The following VCAN variants were observed in gnomAD, a reference collection of about 807,000 sequenced individuals.
VCAN encodes the protein versican core protein.
In VCAN, 44 loss-of-function variants were observed where a neutral mutation model predicts 245.5. The observed-to-expected ratio is 0.18, with a 90% CI of 0.14 to 0.23. The LOEUF is 0.23. Ranked by LOEUF, VCAN falls within the 10% of genes least tolerant of loss-of-function variation. The pLI is 1.00. For missense variants in VCAN, 3,793 were observed against 4,057.9 expected (o/e 0.93, Z 1.77); for synonymous variants, 1,413 against 1,437.0 (o/e 0.98, Z 0.38).
Position 83,490,147 on chromosome 5 carries a change from C to G in VCAN, c.120C>G (p.Val40=), listed in dbSNP as rs1744930574. The G allele has an allele frequency of 6.2e-7, 1 of 1,614,058 alleles. No homozygotes were observed. Among genetic ancestry groups the G allele is most frequent in the African/African-American group, 1.3e-5 (1 of 74,940 alleles). The change falls in exon 3 of 15, where the codon GTC becomes GTG. Residue 40 remains valine (V), a synonymous_variant. Transcript: ENST00000265077. ...TGAGGGGCTCCCTCTCTGGAAAAGT[C>G]AGCCTACCTTGTCATTTTTCAACGA... ...PPVRGSLSGK[V]SLPCHFSTMP... is the part of the protein sequence containing the mutation.
chr5:83,512,018 C>T (rs560366353), intron 5 of VCAN, 85 bp from the exon 6 acceptor site: 2 of 1,574,618 alleles, frequency 1.3e-6, no homozygotes, highest in African/African-American at 1.3e-5. Flanking sequence ...ACATGCTCCT[C>T]CAATTCCTTC....
intron 5 of VCAN, among the ~76,000 whole-genome samples, chr5:83,502,000 T>C (rs1460282487): frequency 6.6e-6 from 1 of 152,218 alleles, no homozygotes; most frequent in African/African-American, 2.4e-5. Flanking sequence ...AGTATAAGTT[T>C]TGCAGTTCTT....
chr5:83,554,223 G>C (rs1415268875), intron 11 of VCAN, among the ~76,000 whole-genome samples: 1 of 152,184 alleles, frequency 6.6e-6, no homozygotes, highest in Non-Finnish European at 1.5e-5. Flanking sequence ...GGCTTGACTT[G>C]AACTACTGGC....
Position 83,541,835 on chromosome 5 carries a change from A to G in VCAN, c.8832A>G (p.Ala2944=). Residue 2944 remains alanine, a synonymous_variant, in exon 8 of 15, where the codon GCA becomes GCG. Transcript: ENST00000265077. ...NKTDGQVSGE[A]IKMFPTIKTP... is the part of the protein sequence containing the mutation. ...CCGATGGTCAAGTTTCTGGAGAAGC[A>G]ATCAAGATGTTTCCCACCATTAAAA... The G allele has an allele frequency of 6.2e-7, 1 of 1,614,140 alleles. No individual in the cohort carries two copies. Among genetic ancestry groups the G allele is most frequent in the Non-Finnish European group, 8.5e-7 (1 of 1,180,004 alleles).
At position 83,540,130 on chromosome 5, in the gene VCAN, C is replaced by T; in HGVS notation, c.7127C>T (p.Thr2376Ile). ...AEEIQTSRPQ[T>I]ITEQDSNKNS... is the part of the protein sequence containing the mutation. ...GAAATCCAGACTAGTAGACCACAAA[C>T]CATAACTGAACAAGACTCTAACAAG... is the stretch of plus-strand genomic sequence containing the variant. Residue 2376 changes from threonine to isoleucine, a missense_variant, in exon 8 of 15, where the codon ACC (threonine) becomes ATC (isoleucine). Thr to Ile is a moderately conservative substitution (Grantham distance 89, BLOSUM62 -1). Around this residue, in one of 5 missense-constraint regions of VCAN, gnomAD observed 3,182 missense variants for 3,250.3 expected, o/e 0.98. Transcript: ENST00000265077. 6.2e-7 allele frequency: 1 copy of T among 1,613,914 alleles called. No homozygotes were observed. The highest frequency in any genetic ancestry group is 2.2e-5 in the East Asian group (1 of 44,822).
Position 83,540,924 on chromosome 5 carries a change from G to T in VCAN, c.7921G>T (p.Asp2641Tyr). ...LTEETFEGSA[D>Y]VLASYTQATH... is the part of the protein sequence containing the mutation. ...TGAGGAAACATTTGAGGGCTCTGCT[G>T]ATGTTCTGGCTAGCTACACTCAGGC... Residue 2641 changes from aspartate to tyrosine, a missense_variant, in exon 8 of 15, where the codon GAT (aspartate) becomes TAT (tyrosine). Asp to Tyr is a radical substitution (Grantham distance 160, BLOSUM62 -3). Around this residue, in one of 5 missense-constraint regions of VCAN, gnomAD observed 3,182 missense variants for 3,250.3 expected, o/e 0.98. Transcript: ENST00000265077. 6.2e-7 allele frequency: 1 copy of T among 1,613,998 alleles called. No individual in the cohort carries two copies. The highest frequency in any genetic ancestry group is 1.3e-5 in the African/African-American group (1 of 75,022).
intron 10 of VCAN, among the ~76,000 whole-genome samples, chr5:83,550,922 G>T (rs1157643717): frequency 7.3e-6 from 1 of 137,384 alleles, no homozygotes; most frequent in Admixed American, 7.4e-5. Context: ...AATCAATGTG[G>T]ATAGTTGGCT....
At chr5:83,574,893 G>C (rs375799250) in intron 13 of VCAN, among the ~76,000 whole-genome samples, 1 of 151,998 alleles carries the variant, frequency 6.6e-6, no homozygotes, top group African/African-American at 2.4e-5. Context: ...TTTTTAAAAG[G>C]TGTGTTTATC....
intron 7 of VCAN, among the ~76,000 whole-genome samples, chr5:83,532,224 C>A (rs1746550275): frequency 6.6e-6 from 1 of 152,030 alleles, no homozygotes; most frequent in Non-Finnish European, 1.5e-5. Context: ...TGTTGAGATT[C>A]TCTAATAACG....
rs568469504 is a variant in VCAN, at chr5:83,520,812, A to G, written c.2506A>G (p.Met836Val). 41 of 1,614,154 alleles carry G rather than the reference A, an allele frequency of 2.5e-5. No homozygotes were observed. In the South Asian group the frequency reaches 3.8e-4, roughly 15 times the overall value. The change falls in exon 7 of 15, where the codon ATG (methionine) becomes GTG (valine). Residue 836 changes from methionine (M) to valine (V), a missense_variant. Coordinates refer to ENST00000265077, the MANE Select transcript of VCAN (RefSeq NM_004385.5). ...LPPALLTTVG[M>V]NGKDKDIPSF... The stretch of plus-strand genomic sequence containing the variant: ...CCCTGCCTTACTCACAACTGTGGGG[A>G]TGAATGGAAAGGATAAAGACATCCC...
rs758138343 is a variant in VCAN at position 83,538,569 on chromosome 5, G to A, written c.5566G>A (p.Val1856Ile). The change falls in exon 8 of 15, where the codon GTA (valine) becomes ATA (isoleucine). Residue 1856 changes from valine (V) to isoleucine (I), a missense_variant. Coordinates refer to ENST00000265077, the MANE Select transcript of VCAN (RefSeq NM_004385.5). ...CACTGTTTCTTCATTTTCATTAAAC[G>A]TAGAGTATGCAATTCAAGCCGAAAA... is the stretch of plus-strand genomic sequence containing the variant. ...TTTVSSFSLN[V>I]EYAIQAEKEV... is the part of the protein sequence containing the mutation. 40 of 1,613,874 alleles carry A rather than the reference G, an allele frequency of 2.5e-5. No individual in the cohort carries two copies. The highest frequency in any genetic ancestry group is 3.3e-4 in the Middle Eastern group (2 of 6,082).
In VCAN at chr5:83,555,007, A is replaced by G; in HGVS notation, c.9704A>G (p.His3235Arg). Residue 3235 changes from histidine (H) to arginine (R), a missense_variant, in exon 12 of 15, where the codon CAT becomes CGT. His to Arg is a conservative substitution (Grantham distance 29, BLOSUM62 0). Around this residue, in one of 5 missense-constraint regions of VCAN, gnomAD observed 205 missense variants for 321.1 expected, o/e 0.64. Transcript: ENST00000265077. The stretch of plus-strand genomic sequence containing the variant: ...GGCCTCAATGACAAGATGTTTGAGC[A>G]TGACTTCCGTTGGACTGATGGCAGC... ...WIGLNDKMFEHDFRWTDGSTL... is the reference protein window; with the variant it reads ...WIGLNDKMFERDFRWTDGSTL... 2.5e-6 allele frequency: 4 copies of G among 1,613,754 alleles called. No individual in the cohort carries two copies. The highest frequency in any genetic ancestry group is 2.2e-5 in the South Asian group (2 of 91,076).
chr5:83,512,701 A>G, intron 6 of VCAN: 1 of 247,372 alleles, frequency 4.0e-6, no homozygotes, highest in South Asian at 9.7e-5. Context: ...GCAGTCCTTA[A>G]GTTTTGCAAT....
intron 1 of VCAN, among the ~76,000 whole-genome samples, chr5:83,472,741 C>A (rs566530793): frequency 6.6e-6 from 1 of 152,218 alleles, no homozygotes; most frequent in East Asian, 1.9e-4. Flanking sequence ...TTGTCCTGCA[C>A]GCGGTGCGAA....
chr5:83,478,819 C>G (rs1451325325), intron 1 of VCAN, among the ~76,000 whole-genome samples: 1 of 152,162 alleles, frequency 6.6e-6, no homozygotes, highest in Non-Finnish European at 1.5e-5. Context: ...ACATCAAAGA[C>G]TGCTCTGTTG....
Position 83,520,110 on chromosome 5 carries a change from G to A in VCAN, c.1804G>A (p.Ala602Thr). ...TTTAGAAGACTTGGAGTCAGTCTCA[G>A]CATCCACAACTGTTTCCCCTTTAAT... ...THLEDLESVSASTTVSPLIMP... is the reference protein window; with the variant it reads ...THLEDLESVSTSTTVSPLIMP... The change falls in exon 7 of 15, where the codon GCA becomes ACA. Residue 602 changes from alanine to threonine, a missense_variant. Transcript: ENST00000265077. 1 of 1,614,056 alleles carries A rather than the reference G, an allele frequency of 6.2e-7. No individual in the cohort carries two copies. Among genetic ancestry groups the A allele is most frequent in the Non-Finnish European group, 8.5e-7 (1 of 1,179,976 alleles).
chr5:83,485,365 T>C (rs1426415341), intron 2 of VCAN, among the ~76,000 whole-genome samples: 1 of 150,060 alleles, frequency 6.7e-6, no homozygotes, highest in Non-Finnish European at 1.5e-5. Flanking sequence ...GATTGCATCA[T>C]TGCACTCTAG....
At chr5:83,527,120 C>T (rs1408339882) in intron 7 of VCAN, among the ~76,000 whole-genome samples, 1 of 152,198 alleles carries the variant, frequency 6.6e-6, no homozygotes, top group East Asian at 1.9e-4. Context: ...AAAGAGCAAA[C>T]TCTGGGAAGA....
chr5:83,554,815 A>G (rs1442672391), intron 11 of VCAN, 141 bp from the exon 12 acceptor site: 1 of 777,854 alleles, frequency 1.3e-6, no homozygotes, highest in African/African-American at 1.7e-5. Flanking sequence ...GTAGACTAGG[A>G]GAGATTTTTA....
Sources: gnomAD v4.1 joint callset for allele counts (sites outside exome capture counted in the v4.1 genomes callset) on GRCh38, gnomAD v4.1.1 for gene constraint, gnomAD v4.1.1 regional missense constraint, MANE v1.5 for transcripts, NCBI Gene and HGNC (gene_info 2026-07-23, HGNC 2026-07-21) for gene names.